The following ZZEF1 variants were observed in gnomAD, a reference collection of about 807,000 sequenced individuals.
ZZEF1 encodes zinc finger ZZ-type and EF-hand domain-containing protein 1.
ZZEF1 carries 157 observed loss-of-function variants against 342.8 expected under a neutral mutation model. The observed-to-expected ratio is 0.46, with a 90% CI of 0.40 to 0.52. The LOEUF is 0.52. Among genes scored for constraint, ZZEF1 ranks in the 20% least tolerant of loss-of-function variants. The probability of loss-of-function intolerance (pLI) is 0.00; values close to 1 mark genes in which losing one functional copy is unlikely to be tolerated. For missense variants in ZZEF1, 3,480 were observed against 3,725.6 expected (o/e 0.93, Z 1.72); for synonymous variants, 1,505 against 1,429.1 (o/e 1.05, Z -1.20).
In ZZEF1 at chr17:4,121,720, G is replaced by C. The variant is rs35139288; in HGVS notation, c.499+2187C>G. Among the ~76,000 whole-genome samples, 3 of 151,814 alleles carry C rather than the reference G, an allele frequency of 2.0e-5. No individual in the cohort carries two copies. In the South Asian group the frequency reaches 6.2e-4, roughly 32 times the overall value. On this transcript the variant is annotated intron_variant, in intron 2 of 54. Transcript: ENST00000381638. ...TAAAGACAACCTGAAGGAGAATGGAGATACACATTTTTTTTTTTTTTGAGA... is the reference window on the plus strand; with the variant it reads ...TAAAGACAACCTGAAGGAGAATGGACATACACATTTTTTTTTTTTTTGAGA...
intron 1 of ZZEF1, among the ~76,000 whole-genome samples, chr17:4,137,033 G>A (rs779163329): frequency 9.2e-6 from 1 of 108,264 alleles, no homozygotes; most frequent in African/African-American, 3.0e-5. Context: ...CATGGGAAAC[G>A]GGACCATAAA....
At chr17:4,119,120 C>T (rs1302833028) in intron 2 of ZZEF1, among the ~76,000 whole-genome samples, 3 of 152,166 alleles carry the variant, frequency 2.0e-5, no homozygotes, top group African/African-American at 7.2e-5. Flanking sequence ...AGGGCATTTG[C>T]CAAATCAATG....
chr17:4,066,441 A>C lies in ZZEF1; in HGVS notation c.4249+6T>G. On this transcript the variant is annotated splice_donor_region_variant and intron_variant, in intron 28 of 54. Coordinates refer to ENST00000381638, the MANE Select transcript of ZZEF1 (RefSeq NM_015113.4). ...CAGGGACAACAGCTGGTGTTAGCAC[A>C]CTCACCCAGGCTCTCAGGGTTCACC... is the stretch of plus-strand genomic sequence containing the variant. The C allele has an allele frequency of 6.2e-7, 1 of 1,613,846 alleles. No individual in the cohort carries two copies. Among genetic ancestry groups the C allele is most frequent in the Non-Finnish European group, 8.5e-7 (1 of 1,179,808 alleles).
chr17:4,087,791 C>T (rs1487287163), intron 13 of ZZEF1, among the ~76,000 whole-genome samples: 1 of 38,220 alleles, frequency 2.6e-5, no homozygotes, highest in African/African-American at 4.5e-5. Context: ...ACAACACACA[C>T]ACACACACAC....
chr17:4,026,877 T>C (rs913988513), intron 42 of ZZEF1, among the ~76,000 whole-genome samples: 3 of 152,082 alleles, frequency 2.0e-5, no homozygotes, highest in Admixed American at 2.0e-4. Context: ...CAGCTTAGAA[T>C]TTTTTACCTG....
In ZZEF1 at chr17:4,064,844, G is replaced by C. The variant is rs776302508; in HGVS notation, c.4250-15C>G. On this transcript the variant is annotated splice_polypyrimidine_tract_variant and intron_variant, in intron 28 of 54. Transcript: ENST00000381638. ...GCACTCTTTTGCTAGATGCAAACAA[G>C]AATCATAATTGAAAAAAAAAAAAGT... 4 of 838,672 alleles carry C rather than the reference G, an allele frequency of 4.8e-6. No homozygotes were observed. Among genetic ancestry groups the C allele is most frequent in the Non-Finnish European group, 6.5e-6 (4 of 616,130 alleles). 52.0% of individuals were successfully genotyped at this position (838,672 alleles called of 1,614,324 possible).
intron 18 of ZZEF1, 121 bp downstream of exon 18, chr17:4,081,255 G>GA (rs2057717888): frequency 1.2e-5 from 10 of 853,944 alleles, no homozygotes; most frequent in Middle Eastern, 3.7e-4. Flanking sequence ...AACAACAACA[G>GA]AAAAAACCAC....
chr17:4,100,800 A>G (rs770549094), intron 9 of ZZEF1, among the ~76,000 whole-genome samples: 7 of 152,142 alleles, frequency 4.6e-5, no homozygotes, highest in Non-Finnish European at 1.0e-4. Flanking sequence ...ATACCACTGC[A>G]CTCCAGCCTG....
Position 4,142,866 on chromosome 17 carries a change from T to C in ZZEF1, c.30A>G (p.Glu10=). The change falls in exon 1 of 55, where the codon GAA becomes GAG. Residue 10 remains glutamate, a synonymous_variant. Transcript: ENST00000381638. The stretch of plus-strand genomic sequence containing the variant: ...CGCCACCGGCAGCTGCCGCTTCGTC[T>C]TCACTGCTGTGACTCGGAGCGTTCC... MGNAPSHSS[E]DEAAAAGGEG... is the part of the protein sequence containing the mutation. The C allele has an allele frequency of 7.2e-7, 1 of 1,389,334 alleles. No individual in the cohort carries two copies. Among genetic ancestry groups the C allele is most frequent in the Non-Finnish European group, 9.3e-7 (1 of 1,080,726 alleles). The allele number at this position is 1,389,334 out of a possible 1,614,324, so 86.1% of individuals were successfully genotyped here.
chr17:4,128,231 C>G (rs2058603775), intron 1 of ZZEF1, among the ~76,000 whole-genome samples: 1 of 151,298 alleles, frequency 6.6e-6, no homozygotes, highest in Admixed American at 6.6e-5. Flanking sequence ...GCATGTAATC[C>G]CAGCTACTCA....
rs896074604 is a variant in ZZEF1 at position 4,114,451 on chromosome 17, A to G, written c.714T>C (p.Thr238=). 2.5e-6 allele frequency: 4 copies of G among 1,579,766 alleles called. No individual in the cohort carries two copies. In the African/African-American group the frequency reaches 5.4e-5, roughly 21 times the overall value. The change falls in exon 4 of 55, where the codon ACT becomes ACC. Residue 238 remains threonine (T), a synonymous_variant. Coordinates refer to ENST00000381638, the MANE Select transcript of ZZEF1 (RefSeq NM_015113.4). ...QKEKESPGDL[T]RSPEMDKLKS... is the part of the protein sequence containing the mutation. Reference sequence around the variant, plus strand: ...TGAGTTTATCCATCTCTGGACTTCTAGTTAGATCTCCAGGGCTTTCTGTAG... The same window carrying G: ...TGAGTTTATCCATCTCTGGACTTCTGGTTAGATCTCCAGGGCTTTCTGTAG...
chr17:4,027,596 T>C (rs1188623711), intron 42 of ZZEF1, among the ~76,000 whole-genome samples: 3 of 140,480 alleles, frequency 2.1e-5, no homozygotes, highest in Non-Finnish European at 4.7e-5. Flanking sequence ...TGCCCTGCCT[T>C]TTTTTTTTTT....
intron 42 of ZZEF1, among the ~76,000 whole-genome samples, chr17:4,027,962 G>GT (rs2056454905): frequency 6.6e-6 from 1 of 151,926 alleles, no homozygotes; most frequent in South Asian, 2.1e-4. Flanking sequence ...GGGTTATTTT[G>GT]TTTTTCTTAA....
At chr17:4,098,656 T>G (rs544084439) in intron 9 of ZZEF1, among the ~76,000 whole-genome samples, 3 of 152,224 alleles carry the variant, frequency 2.0e-5, no homozygotes, top group Non-Finnish European at 4.4e-5. Flanking sequence ...TTAACAATTC[T>G]GCCTATCAAA....
chr17:4,080,009 C>T (rs1407725791), intron 18 of ZZEF1, among the ~76,000 whole-genome samples: 1 of 152,186 alleles, frequency 6.6e-6, no homozygotes, highest in Non-Finnish European at 1.5e-5. Context: ...CCATATTTAG[C>T]CCAAAGAGAT....
At chr17:4,093,170 T>C (rs1342816365) in intron 11 of ZZEF1, among the ~76,000 whole-genome samples, 2 of 152,160 alleles carry the variant, frequency 1.3e-5, no homozygotes, top group African/African-American at 4.8e-5. Context: ...AAAGACCTTG[T>C]TTAACAGCAG....
intron 35 of ZZEF1, 80 bp downstream of exon 35, chr17:4,051,891 T>TA: frequency 6.8e-7 from 1 of 1,477,190 alleles, no homozygotes; most frequent in Non-Finnish European, 9.1e-7. Flanking sequence ...AAAACTTTTT[T>TA]AAAAAAAGAA....
intron 24 of ZZEF1, 93 bp downstream of exon 24, chr17:4,074,057 G>T: frequency 7.3e-7 from 1 of 1,375,692 alleles, no homozygotes; most frequent in Non-Finnish European, 1.0e-6. Flanking sequence ...TTAACCCCCT[G>T]CCATTACGTG....
At chr17:4,048,658 A>C in intron 37 of ZZEF1, among the ~76,000 whole-genome samples, 1 of 152,210 alleles carries the variant, frequency 6.6e-6, no homozygotes, top group Non-Finnish European at 1.5e-5. Flanking sequence ...CTAACTGTTG[A>C]CTGAATATAA....
Sources: gnomAD v4.1 joint callset for allele counts (sites outside exome capture counted in the v4.1 genomes callset) on GRCh38, gnomAD v4.1.1 for gene constraint, MANE v1.5 for transcripts, NCBI Gene and HGNC (gene_info 2026-07-23, HGNC 2026-07-21) for gene names.